The following SKAP2 variants were observed in gnomAD, a reference collection of about 807,000 sequenced individuals.
SKAP2 encodes the protein src kinase-associated phosphoprotein 2.
In SKAP2, 28 loss-of-function variants were observed where a neutral mutation model predicts 54.9. That is an observed-to-expected ratio of 0.51 (90% CI 0.38 to 0.70). The LOEUF (loss-of-function observed/expected upper bound fraction) is 0.70, where lower values mean the gene tolerates loss of function less well. Ranked by LOEUF, SKAP2 falls within the 30% of genes least tolerant of loss-of-function variation. SKAP2 has a pLI of 0.00. For synonymous variants in SKAP2, 137 were observed against 134.3 expected, an observed-to-expected ratio of 1.02 and a Z score of -0.14; for missense variants, 356 against 424.1, an observed-to-expected ratio of 0.84 and a Z score of 1.41.
chr7:26,703,636 A>G (rs1166316265), intron 9 of SKAP2, among the ~76,000 whole-genome samples: 1 of 152,188 alleles, frequency 6.6e-6, no homozygotes, highest in Non-Finnish European at 1.5e-5. Flanking sequence ...GGACAACAGA[A>G]CTATAAAATC....
intron 4 of SKAP2, among the ~76,000 whole-genome samples, chr7:26,755,002 G>T (rs1266849445): frequency 1.3e-5 from 2 of 152,172 alleles, no homozygotes; most frequent in African/African-American, 4.8e-5. Context: ...GATATGGTAA[G>T]ATCTTATAAT....
At chr7:26,797,477 T>C (rs1783807344) in intron 4 of SKAP2, among the ~76,000 whole-genome samples, 2 of 152,176 alleles carry the variant, frequency 1.3e-5, no homozygotes. Context: ...CTCTATAGCA[T>C]TACTTGGCTA....
At chr7:26,713,279 T>C (rs1391840389) in intron 9 of SKAP2, among the ~76,000 whole-genome samples, 2 of 152,222 alleles carry the variant, frequency 1.3e-5, no homozygotes, top group Non-Finnish European at 2.9e-5. Flanking sequence ...ATTTACTCCC[T>C]CTCACATTAT....
intron 4 of SKAP2, among the ~76,000 whole-genome samples, chr7:26,782,464 C>T (rs1216445973): frequency 6.6e-6 from 1 of 152,130 alleles, no homozygotes; most frequent in East Asian, 1.9e-4. Flanking sequence ...CTGCTATGGT[C>T]TAAATATGTG....
At chr7:26,727,374 T>C (rs1787730797) in intron 6 of SKAP2, among the ~76,000 whole-genome samples, 1 of 152,064 alleles carries the variant, frequency 6.6e-6, no homozygotes, top group South Asian at 2.1e-4. Context: ...AGCTGAAAAC[T>C]TGTCGGGCTT....
At chr7:26,712,142 T>C (rs1787324477) in intron 9 of SKAP2, among the ~76,000 whole-genome samples, 1 of 152,206 alleles carries the variant, frequency 6.6e-6, no homozygotes, top group Non-Finnish European at 1.5e-5. Flanking sequence ...CTAGAAGCGT[T>C]TCAAATTTCA....
chr7:26,810,901 C>T (rs1230956579), intron 4 of SKAP2, among the ~76,000 whole-genome samples: 1 of 152,106 alleles, frequency 6.6e-6, no homozygotes, highest in Non-Finnish European at 1.5e-5. Context: ...AAGATGGTCT[C>T]GATCTCTTGA....
At chr7:26,807,134 T>C (rs1238636253) in intron 4 of SKAP2, among the ~76,000 whole-genome samples, 1 of 152,196 alleles carries the variant, frequency 6.6e-6, no homozygotes, top group Non-Finnish European at 1.5e-5. Context: ...TGCGATGGAA[T>C]CTACTACCAG....
At chr7:26,674,461 T>TC (rs1330956809) in intron 11 of SKAP2, among the ~76,000 whole-genome samples, 1 of 152,228 alleles carries the variant, frequency 6.6e-6, no homozygotes, top group East Asian at 1.9e-4. Flanking sequence ...TCTCATACAT[T>TC]CATTGTTTCA....
chr7:26,750,032 T>C (rs558277491), intron 4 of SKAP2, among the ~76,000 whole-genome samples: 6 of 151,956 alleles, frequency 3.9e-5, no homozygotes, highest in Middle Eastern at 3.4e-3. Flanking sequence ...AACTCTATAT[T>C]ACCAATCAGA....
chr7:26,725,368 ACACT>A (rs1293869092), intron 9 of SKAP2, 56 bp downstream of exon 9: 28 of 1,264,284 alleles, frequency 2.2e-5, no homozygotes, highest in Non-Finnish European at 2.8e-5. Flanking sequence ...ACACACACAC[ACACT>A]CACACACACA....
Position 26,854,135 on chromosome 7 carries a change from A to G in SKAP2, c.199+2T>C, listed in dbSNP as rs1383489741. 1 of 1,586,006 alleles carries G rather than the reference A, an allele frequency of 6.3e-7. No homozygotes were observed. The highest frequency in any genetic ancestry group is 2.3e-5 in the East Asian group (1 of 44,070). ...TCAAGTTTGCCAAACATGAAAACTT[A>G]CCTTTGTCTTGAAATTCCTGAAGAT... On this transcript the variant is annotated splice_donor_variant, in intron 3 of 12. Coordinates refer to ENST00000345317, the MANE Select transcript of SKAP2 (RefSeq NM_003930.5). LOFTEE classifies it high-confidence loss of function.
At chr7:26,756,335 G>A (rs1303398673) in intron 4 of SKAP2, among the ~76,000 whole-genome samples, 1 of 151,766 alleles carries the variant, frequency 6.6e-6, no homozygotes, top group Non-Finnish European at 1.5e-5. Flanking sequence ...ACCTCCTCCC[G>A]CCCCACAACA....
At chr7:26,659,616 G>A in the SKAP2 span, among the ~76,000 whole-genome samples, 1 of 152,192 alleles carries the variant, frequency 6.6e-6, no homozygotes, top group East Asian at 1.9e-4. Context: ...TTATTTGCAG[G>A]GAGCTGTTTT....
intron 9 of SKAP2, among the ~76,000 whole-genome samples, chr7:26,701,542 G>A (rs1352921357): frequency 6.6e-6 from 1 of 152,046 alleles, no homozygotes; most frequent in African/African-American, 2.4e-5. Context: ...AAACCAGCCT[G>A]ACCAATATGG....
chr7:26,723,686 T>G (rs927264754), intron 9 of SKAP2, among the ~76,000 whole-genome samples: 3 of 151,454 alleles, frequency 2.0e-5, no homozygotes, highest in Non-Finnish European at 4.4e-5. Flanking sequence ...GAATATCTGG[T>G]CTTTATTCCT....
chr7:26,712,810 G>A (rs1242918737), intron 9 of SKAP2, among the ~76,000 whole-genome samples: 1 of 152,094 alleles, frequency 6.6e-6, no homozygotes, highest in East Asian at 1.9e-4. Flanking sequence ...GTTTTACTTT[G>A]CTCTGACCAT....
intron 4 of SKAP2, among the ~76,000 whole-genome samples, chr7:26,786,624 C>T (rs1023667689): frequency 5.3e-5 from 8 of 152,168 alleles, no homozygotes; most frequent in Non-Finnish European, 1.2e-4. Flanking sequence ...GCACTTTCAA[C>T]GGGTGCCTGT....
At chr7:26,713,254 C>A (rs899766759) in intron 9 of SKAP2, among the ~76,000 whole-genome samples, 2 of 152,140 alleles carry the variant, frequency 1.3e-5, no homozygotes, top group Non-Finnish European at 2.9e-5. Flanking sequence ...CTTCTTTAAC[C>A]ATAGAATACA....
Sources: gnomAD v4.1 joint callset for allele counts (sites outside exome capture counted in the v4.1 genomes callset) on GRCh38, gnomAD v4.1.1 for gene constraint, MANE v1.5 for transcripts, NCBI Gene and HGNC (gene_info 2026-07-23, HGNC 2026-07-21) for gene names.